SRP9: variants seen among roughly 807,000 people sequenced by gnomAD.
The protein encoded by SRP9 is signal recognition particle 9, also known as signal recognition particle 9 kDa protein.
SRP9 carries 2 observed loss-of-function variants against 11.7 expected under a neutral mutation model. The observed-to-expected ratio is 0.17, with a 90% CI of 0.07 to 0.54. The LOEUF (loss-of-function observed/expected upper bound fraction) is 0.54. Among genes scored for constraint, SRP9 ranks in the 20% least tolerant of loss-of-function variants. The pLI is 0.94. For synonymous variants in SRP9, 27 were observed against 35.6 expected, an observed-to-expected ratio of 0.76 and a Z score of 0.86; for missense variants, 54 against 108.1, an observed-to-expected ratio of 0.50 and a Z score of 2.22.
chr1:225,784,839 C>T (rs1665871225), intron 2 of SRP9, among the ~76,000 whole-genome samples: 1 of 151,970 alleles, frequency 6.6e-6, no homozygotes, highest in Non-Finnish European at 1.5e-5. Flanking sequence ...AAGACTCCAT[C>T]TCAAAAAAAC....
At chr1:225,784,440 A>T (rs1264887666) in intron 2 of SRP9, among the ~76,000 whole-genome samples, 1 of 149,650 alleles carries the variant, frequency 6.7e-6, no homozygotes, top group Non-Finnish European at 1.5e-5. Context: ...TAGTAGAGAC[A>T]GGGTTTCACC....
chr1:225,781,395 C>CTTTTTTT (rs11315558), intron 1 of SRP9, among the ~76,000 whole-genome samples: 89 of 87,762 alleles, frequency 1.0e-3, no homozygotes, highest in African/African-American at 2.0e-3. Flanking sequence ...TTTTCTTTTT[C>CTTTTTTT]TTTTTTTTTT....
intron 1 of SRP9, among the ~76,000 whole-genome samples, chr1:225,779,380 G>A (rs1428615567): frequency 8.5e-5 from 13 of 152,090 alleles, no homozygotes; most frequent in African/African-American, 3.1e-4. Context: ...TCCTGACCTC[G>A]TGATCCACCC....
intron 2 of SRP9, chr1:225,786,924 C>A: frequency 1.2e-6 from 1 of 802,988 alleles, no homozygotes; most frequent in Admixed American, 2.5e-5. Context: ...CTCACTGCAT[C>A]CTCGACCTCC....
intron 2 of SRP9, among the ~76,000 whole-genome samples, chr1:225,784,940 T>A (rs1665874420): frequency 6.6e-6 from 1 of 152,124 alleles, no homozygotes; most frequent in Admixed American, 6.5e-5. Context: ...GGATTTTTTT[T>A]AATTAAAAAA....
At chr1:225,782,760 A>G (rs950813129) in intron 1 of SRP9, among the ~76,000 whole-genome samples, 1 of 152,196 alleles carries the variant, frequency 6.6e-6, no homozygotes, top group African/African-American at 2.4e-5. Flanking sequence ...ATAATGCGTT[A>G]TGTTCTACCT....
chr1:225,788,854 G>A (rs976264193), intron 2 of SRP9, among the ~76,000 whole-genome samples: 1 of 151,848 alleles, frequency 6.6e-6, no homozygotes, highest in African/African-American at 2.4e-5. Context: ...TTTTTTTCCA[G>A]CATAACTCAG....
chr1:225,781,608 C>G (rs1219960103), intron 1 of SRP9, among the ~76,000 whole-genome samples: 1 of 151,966 alleles, frequency 6.6e-6, no homozygotes, highest in African/African-American at 2.4e-5. Flanking sequence ...CCATGTTGGC[C>G]AGACTGGTCT....
At chr1:225,785,828 G>A (rs972949299) in intron 2 of SRP9, among the ~76,000 whole-genome samples, 7 of 152,018 alleles carry the variant, frequency 4.6e-5, no homozygotes, top group African/African-American at 1.7e-4. Context: ...GATTACAGGT[G>A]GGCACCACCA....
At chr1:225,787,742 T>C (rs1559006640) in intron 2 of SRP9, among the ~76,000 whole-genome samples, 3 of 152,226 alleles carry the variant, frequency 2.0e-5, no homozygotes, top group Non-Finnish European at 4.4e-5. Flanking sequence ...AAAATCTTTT[T>C]CTGTCAGAAA....
At chr1:225,789,105 C>A in intron 2 of SRP9, 135 bp from the exon 3 acceptor site, 1 of 1,551,278 alleles carries the variant, frequency 6.4e-7, no homozygotes, top group South Asian at 1.2e-5. Flanking sequence ...TGCAATTTCC[C>A]TAGTACGACC....
intron 2 of SRP9, among the ~76,000 whole-genome samples, chr1:225,787,617 GT>G (rs1162600877): frequency 1.3e-5 from 2 of 152,124 alleles, no homozygotes; most frequent in Non-Finnish European, 2.9e-5. Flanking sequence ...TTTTTGCCCT[GT>G]TAATGATTGA....
At chr1:225,778,164 C>T in intron 1 of SRP9, 152 bp downstream of exon 1, 1 of 889,556 alleles carries the variant, frequency 1.1e-6, no homozygotes, top group Admixed American at 2.7e-5. Context: ...TCTCTCGTCC[C>T]CTTCTTCCCT....
chr1:225,788,523 C>G (rs1407902937), intron 2 of SRP9, among the ~76,000 whole-genome samples: 1 of 149,528 alleles, frequency 6.7e-6, no homozygotes, highest in Non-Finnish European at 1.5e-5. Context: ...TCAAGCGATT[C>G]TCCTGCCTCA....
chr1:225,782,289 G>A (rs986076554), intron 1 of SRP9, among the ~76,000 whole-genome samples: 2 of 151,914 alleles, frequency 1.3e-5, no homozygotes, highest in East Asian at 1.9e-4. Context: ...TCAGCCTCCC[G>A]ATTAGCTGGG....
At chr1:225,786,922 A>G in intron 2 of SRP9, 2 of 832,972 alleles carry the variant, frequency 2.4e-6, no homozygotes, top group Non-Finnish European at 3.4e-6. Flanking sequence ...AGCTCACTGC[A>G]TCCTCGACCT....
chr1:225,784,229 CTTTTTTTTTTTTTTTT>C (rs561503475), intron 2 of SRP9, among the ~76,000 whole-genome samples: 11 of 34,458 alleles, frequency 3.2e-4, no homozygotes, highest in African/African-American at 1.2e-3. Context: ...ATCACCTGTT[CTTTTTTTTTTTTTTTT>C]TTTTTTTTTT....
In SRP9 at chr1:225,777,844, C is replaced by A. The variant is rs1323938674; in HGVS notation, c.-97C>A. On this transcript the variant is annotated 5_prime_UTR_variant, in exon 1 of 3. It adds an upstream start codon to the 5' untranslated region. Coordinates refer to ENST00000304786, the MANE Select transcript of SRP9 (RefSeq NM_003133.6). ...AGGAGGCGCCGCCATCTTGGGGCTG[C>A]TGGGACTCGCGTCGGTTGGCGACTC... The A allele has an allele frequency of 1.6e-6, 2 of 1,243,868 alleles. No homozygotes were observed. The highest frequency in any genetic ancestry group is 1.2e-6 in the Non-Finnish European group (1 of 864,850). 77.1% of individuals were successfully genotyped at this position (1,243,868 alleles called of 1,614,324 possible).
chr1:225,778,162 C>T (rs1265175650), intron 1 of SRP9, 150 bp downstream of exon 1: 4 of 892,218 alleles, frequency 4.5e-6, no homozygotes, highest in Non-Finnish European at 6.9e-6. Context: ...GCTCTCTCGT[C>T]CCCTTCTTCC....
Sources: allele counts gnomAD v4.1 joint callset (sites outside exome capture counted in the v4.1 genomes callset), GRCh38; gene constraint gnomAD v4.1.1; transcripts MANE v1.5; gene names NCBI Gene and HGNC (gene_info 2026-07-23, HGNC 2026-07-21).